The following SETBP1 variants were observed in gnomAD, a reference collection of about 807,000 sequenced individuals.
SETBP1 encodes SET-binding protein.
A neutral mutation model predicts 101.0 loss-of-function variants in SETBP1; 9 were observed. The observed-to-expected ratio is 0.09, with a 90% CI of 0.05 to 0.16. The LOEUF (loss-of-function observed/expected upper bound fraction) is 0.16. Ranked by LOEUF, SETBP1 falls within the 10% of genes least tolerant of loss-of-function variation. The probability of loss-of-function intolerance (pLI) is 1.00; values close to 1 mark genes in which losing one functional copy is unlikely to be tolerated. For missense variants in SETBP1, 1,858 were observed against 2,033.8 expected (o/e 0.91, Z 1.66); for synonymous variants, 818 against 788.5 (o/e 1.04, Z -0.63).
At chr18:45,034,255 C>A (rs937896948) in intron 4 of SETBP1, among the ~76,000 whole-genome samples, 3 of 152,160 alleles carry the variant, frequency 2.0e-5, no homozygotes, top group Admixed American at 2.0e-4. Context: ...GGTCTCTGAC[C>A]TTTTCGCATC....
intron 4 of SETBP1, among the ~76,000 whole-genome samples, chr18:44,959,674 C>T (rs1251071496): frequency 6.6e-6 from 1 of 152,066 alleles, no homozygotes; most frequent in East Asian, 1.9e-4. Context: ...GTCCAAGTGA[C>T]TTGTGAGCCA....
intron 1 of SETBP1, among the ~76,000 whole-genome samples, chr18:44,699,391 T>TA (rs1455248317): frequency 1.7e-4 from 26 of 152,314 alleles, no homozygotes; most frequent in African/African-American, 6.3e-4. Context: ...TGCCTGACAC[T>TA]AGTAAGAGAG....
intron 3 of SETBP1, among the ~76,000 whole-genome samples, chr18:44,879,655 C>T (rs1250138821): frequency 6.6e-6 from 1 of 152,184 alleles, no homozygotes; most frequent in Non-Finnish European, 1.5e-5. Flanking sequence ...CCTAACCTTT[C>T]ACTAGGCTGT....
chr18:45,025,289 T>A (rs144400586), intron 4 of SETBP1, among the ~76,000 whole-genome samples: 3 of 152,278 alleles, frequency 2.0e-5, no homozygotes, highest in Non-Finnish European at 4.4e-5. Flanking sequence ...GATGAGTAAA[T>A]CAACTGTATC....
chr18:44,691,680 G>A (rs2068936686), intron 1 of SETBP1, among the ~76,000 whole-genome samples: 1 of 152,162 alleles, frequency 6.6e-6, no homozygotes, highest in Non-Finnish European at 1.5e-5. Flanking sequence ...AACGGCATAT[G>A]CTTAGTTTTG....
intron 2 of SETBP1, among the ~76,000 whole-genome samples, chr18:44,847,379 C>T (rs1351352799): frequency 6.6e-6 from 1 of 152,174 alleles, no homozygotes; most frequent in Non-Finnish European, 1.5e-5. Flanking sequence ...TCCTTTCCTC[C>T]GTGCCTTCTG....
At chr18:44,782,677 C>A (rs945835828) in intron 2 of SETBP1, among the ~76,000 whole-genome samples, 1 of 152,104 alleles carries the variant, frequency 6.6e-6, no homozygotes, top group African/African-American at 2.4e-5. Flanking sequence ...TCAGTCAACC[C>A]ACAGGGATTG....
intron 3 of SETBP1, among the ~76,000 whole-genome samples, chr18:44,900,133 A>T (rs2070007681): frequency 1.3e-5 from 2 of 152,232 alleles, no homozygotes; most frequent in Non-Finnish European, 2.9e-5. Flanking sequence ...AGCTGAGATG[A>T]ATAGATCAGT....
chr18:45,013,500 T>C (rs7243306), intron 4 of SETBP1, among the ~76,000 whole-genome samples: 64,170 of 151,344 alleles, frequency 0.42, 14,112 homozygotes, highest in African/African-American at 0.54. Flanking sequence ...AGTGCAGTGG[T>C]GTGACCTGGG....
intron 4 of SETBP1, among the ~76,000 whole-genome samples, chr18:44,989,761 T>C (rs928567168): frequency 1.4e-5 from 2 of 148,070 alleles, no homozygotes; most frequent in African/African-American, 4.9e-5. Flanking sequence ...CCCAGCTACT[T>C]GGGAGGCTGA....
At chr18:44,928,603 C>A (rs898053017) in intron 3 of SETBP1, among the ~76,000 whole-genome samples, 12 of 152,190 alleles carry the variant, frequency 7.9e-5, no homozygotes, top group African/African-American at 2.9e-4. Flanking sequence ...TGTTTCCTGA[C>A]TTTTTAATGA....
At chr18:44,891,519 C>A (rs2069768997) in intron 3 of SETBP1, among the ~76,000 whole-genome samples, 1 of 152,062 alleles carries the variant, frequency 6.6e-6, no homozygotes, top group Non-Finnish European at 1.5e-5. Context: ...GAGTGAAAGT[C>A]TTATAATGGG....
chr18:45,058,673 A>T (rs1375416821), intron 5 of SETBP1, among the ~76,000 whole-genome samples: 1 of 152,220 alleles, frequency 6.6e-6, no homozygotes, highest in African/African-American at 2.4e-5. Context: ...CTGAACTGAA[A>T]GTTTGGATAA....
chr18:44,917,580 G>A (rs907819223), intron 3 of SETBP1, among the ~76,000 whole-genome samples: 2 of 152,060 alleles, frequency 1.3e-5, no homozygotes, highest in Non-Finnish European at 2.9e-5. Flanking sequence ...TTCTTCCCTT[G>A]TCTATGTGCA....
At chr18:44,980,702 G>C (rs927045889) in intron 4 of SETBP1, among the ~76,000 whole-genome samples, 1 of 152,184 alleles carries the variant, frequency 6.6e-6, no homozygotes, top group Non-Finnish European at 1.5e-5. Flanking sequence ...AGAAGGTGCA[G>C]GCCTCCAGCA....
In SETBP1 at chr18:44,951,360, A is replaced by T; in HGVS notation, c.2020A>T (p.Arg674Trp). ...TATCAATAAGATGAAGACACTCAAG[A>T]GGAAAAACATCTTGAATCAGATCTT... The part of the protein sequence containing the change: ...KTINKMKTLK[R>W]KNILNQILSC... Residue 674 changes from arginine (R) to tryptophan (W), a missense_variant, in exon 4 of 6, where the codon AGG becomes TGG. By Grantham distance (101) the Arg-to-Trp change is moderately radical. Coordinates refer to ENST00000649279, the MANE Select transcript of SETBP1 (RefSeq NM_015559.3). This position sits in a 1 kb window ranked among gnomAD's most constrained non-coding sequence, Gnocchi z 7.8. 1 of 1,614,068 alleles carries T rather than the reference A, an allele frequency of 6.2e-7. No individual in the cohort carries two copies. Among genetic ancestry groups the T allele is most frequent in the Non-Finnish European group, 8.5e-7 (1 of 1,180,036 alleles).
At chr18:44,757,487 A>G (rs1305690015) in intron 2 of SETBP1, among the ~76,000 whole-genome samples, 5 of 152,164 alleles carry the variant, frequency 3.3e-5, no homozygotes, top group Admixed American at 3.3e-4. Context: ...ACACTTATAT[A>G]TGCCTGAATT....
chr18:45,046,151 C>T (rs1029040876), intron 5 of SETBP1, among the ~76,000 whole-genome samples: 37 of 152,150 alleles, frequency 2.4e-4, no homozygotes, highest in Non-Finnish European at 3.4e-4. Context: ...TCGCATAGTC[C>T]CTGTGGCCAG....
chr18:45,063,906 G>T lies in SETBP1; in HGVS notation c.*208G>T, dbSNP rs571310365. 9 of 551,272 alleles carry T rather than the reference G, an allele frequency of 1.6e-5. No individual in the cohort carries two copies. The highest frequency in any genetic ancestry group is 1.4e-4 in the African/African-American group (7 of 51,736). 34.1% of individuals were successfully genotyped at this position (551,272 alleles called of 1,614,324 possible). On this transcript the variant is annotated 3_prime_UTR_variant, in exon 6 of 6. Transcript: ENST00000649279. ...AGGGAGACACCTTCAGAAGAAGCTT[G>T]TCTGAGCTTCACCGCAGCTCCCACC...
Sources: allele counts gnomAD v4.1 joint callset (sites outside exome capture counted in the v4.1 genomes callset), GRCh38; gene constraint gnomAD v4.1.1; non-coding constraint Gnocchi (gnomAD v3.1); transcripts MANE v1.5; gene names NCBI Gene and HGNC (gene_info 2026-07-23, HGNC 2026-07-21).